SLC16A2: variants seen among roughly 807,000 people sequenced by gnomAD.
SLC16A2 encodes the protein monocarboxylate transporter 8.
In SLC16A2, 3 loss-of-function variants were observed where a neutral mutation model predicts 27.2. The ratio of observed to expected loss-of-function variants is 0.11; its 90% confidence interval spans 0.05 to 0.28. SLC16A2 has a LOEUF of 0.28. Among genes scored for constraint, SLC16A2 ranks in the 10% least tolerant of loss-of-function variants. The pLI, the probability that SLC16A2 is intolerant of heterozygous loss-of-function variation, is 1.00. For missense variants in SLC16A2, 295 were observed against 458.5 expected (o/e 0.64, Z 3.26); for synonymous variants, 202 against 187.8 (o/e 1.08, Z -0.62).
chrX:74,532,487 T>C lies in SLC16A2; in HGVS notation c.*934T>C, dbSNP rs896854889. On this transcript the variant is annotated 3_prime_UTR_variant, in exon 6 of 6. Transcript: ENST00000587091. ...GCCCTCCCAGCACCCCATTCTTGTA[T>C]ACACATGGCAAAATGTGAAGAAACT... The C allele has an allele frequency of 8.9e-6, 1 of 112,021 alleles. No individual in the cohort carries two copies. The highest frequency in any genetic ancestry group is 1.9e-5 in the Non-Finnish European group (1 of 53,180). The allele number at this position is 112,021 out of a possible 1,213,427, so 9.2% of individuals were successfully genotyped here. A position where few individuals can be genotyped will look rare whatever the true frequency, so the allele number is the denominator to read the frequency against.
At chrX:74,486,539 C>T (rs1929723980) in intron 1 of SLC16A2, among the ~76,000 whole-genome samples, 1 of 111,812 alleles carries the variant, frequency 8.9e-6, no homozygotes, top group African/African-American at 3.3e-5. Context: ...GAGATACCAT[C>T]TCACACCAGT....
chrX:74,525,964 G>A, intron 4 of SLC16A2, 71 bp downstream of exon 4: 1 of 1,099,761 alleles, frequency 9.1e-7, no homozygotes, highest in Non-Finnish European at 1.3e-6. Flanking sequence ...CACAGCCTTT[G>A]GGATAGAATG....
At chrX:74,436,419 C>G (rs1306379582) in intron 1 of SLC16A2, among the ~76,000 whole-genome samples, 1 of 111,617 alleles carries the variant, frequency 9.0e-6, no homozygotes, top group African/African-American at 3.3e-5. Flanking sequence ...TTTCATGGAG[C>G]CCACTTGAGT....
intron 2 of SLC16A2, among the ~76,000 whole-genome samples, chrX:74,523,894 T>A (rs2147870346): frequency 9.0e-6 from 1 of 111,353 alleles, no homozygotes; most frequent in East Asian, 2.8e-4. Flanking sequence ...CCATGGAAGG[T>A]TTCAATCTTC....
chrX:74,529,741 A>G (rs1174697366), intron 5 of SLC16A2, among the ~76,000 whole-genome samples: 2 of 104,513 alleles, frequency 1.9e-5, no homozygotes, highest in African/African-American at 7.0e-5. Context: ...TGGCTTTCTG[A>G]CAGTTCCACT....
At chrX:74,454,774 T>G (rs1317209673) in intron 1 of SLC16A2, among the ~76,000 whole-genome samples, 2 of 111,606 alleles carry the variant, frequency 1.8e-5, no homozygotes, top group East Asian at 5.6e-4. Context: ...CCTTCACTTA[T>G]GATACCCTCT....
At chrX:74,488,673 T>G (rs918104862) in intron 1 of SLC16A2, among the ~76,000 whole-genome samples, 12 of 111,667 alleles carry the variant, frequency 1.1e-4, no homozygotes, top group African/African-American at 3.6e-4. Context: ...ACAACATGTT[T>G]GGATTTTCTG....
intron 1 of SLC16A2, among the ~76,000 whole-genome samples, chrX:74,516,580 G>A (rs1930320916): frequency 9.0e-6 from 1 of 111,192 alleles, no homozygotes; most frequent in African/African-American, 3.3e-5. Flanking sequence ...TATATATAAT[G>A]TGATTTCTTT....
intron 1 of SLC16A2, among the ~76,000 whole-genome samples, chrX:74,480,895 A>G (rs985132004): frequency 1.8e-5 from 2 of 112,063 alleles, no homozygotes; most frequent in African/African-American, 6.5e-5. Flanking sequence ...TGTTGAAAAA[A>G]TTCCCTTTTA....
intron 1 of SLC16A2, among the ~76,000 whole-genome samples, chrX:74,458,440 C>G (rs1259761079): frequency 9.0e-6 from 1 of 111,502 alleles, no homozygotes; most frequent in Non-Finnish European, 1.9e-5. Flanking sequence ...CCTCCACCTC[C>G]TTGGTTCAAG....
At chrX:74,455,100 T>C (rs750045630) in intron 1 of SLC16A2, among the ~76,000 whole-genome samples, 11 of 112,100 alleles carry the variant, frequency 9.8e-5, no homozygotes, top group Non-Finnish European at 2.1e-4. Context: ...AATTACTTAA[T>C]CTCTGTATGT....
At chrX:74,446,111 T>A in intron 1 of SLC16A2, among the ~76,000 whole-genome samples, 1 of 110,766 alleles carries the variant, frequency 9.0e-6, no homozygotes, top group Non-Finnish European at 1.9e-5. Context: ...TAGTTGCGGG[T>A]GCCAAGATTT....
chrX:74,458,883 G>A (rs191477218), intron 1 of SLC16A2, among the ~76,000 whole-genome samples: 137 of 110,355 alleles, frequency 1.2e-3, no homozygotes, highest in Non-Finnish European at 2.2e-3. Flanking sequence ...ATTTGTGGTC[G>A]TTTGATGCCC....
At chrX:74,525,281 C>T (rs1423658030) in intron 3 of SLC16A2, among the ~76,000 whole-genome samples, 1 of 112,082 alleles carries the variant, frequency 8.9e-6, no homozygotes, top group Non-Finnish European at 1.9e-5. Context: ...AACTCACCAT[C>T]CACCAAACTT....
intron 1 of SLC16A2, among the ~76,000 whole-genome samples, chrX:74,500,377 G>A (rs1239349893): frequency 9.0e-6 from 1 of 111,525 alleles, no homozygotes; most frequent in Non-Finnish European, 1.9e-5. Context: ...GCTTATTGCA[G>A]AGCTATATTC....
chrX:74,474,478 GTT>G (rs140763449), intron 1 of SLC16A2, among the ~76,000 whole-genome samples: 84 of 98,281 alleles, frequency 8.5e-4, no homozygotes, highest in East Asian at 2.2e-3. Context: ...ATTCCTTAGT[GTT>G]TTTTTTTTTT....
chrX:74,455,301 G>A (rs1204448117), intron 1 of SLC16A2, among the ~76,000 whole-genome samples: 1 of 110,799 alleles, frequency 9.0e-6, no homozygotes, highest in Admixed American at 9.6e-5. Context: ...TTAGAGCAGG[G>A]ATTGTCATCC....
chrX:74,427,817 A>ATG (rs1569282300), intron 1 of SLC16A2, among the ~76,000 whole-genome samples: 61 of 106,990 alleles, frequency 5.7e-4, no homozygotes, highest in African/African-American at 1.8e-3. Flanking sequence ...GCGCGCACAC[A>ATG]CACACACACA....
chrX:74,505,332 G>GC (rs1194723208), intron 1 of SLC16A2, among the ~76,000 whole-genome samples: 1 of 111,795 alleles, frequency 8.9e-6, no homozygotes, highest in Non-Finnish European at 1.9e-5. Context: ...TCCTTCCTCT[G>GC]CTGTTTCCTC....
Sources: gnomAD v4.1 joint callset for allele counts (sites outside exome capture counted in the v4.1 genomes callset) on GRCh38, gnomAD v4.1.1 for gene constraint, MANE v1.5 for transcripts, NCBI Gene and HGNC (gene_info 2026-07-23, HGNC 2026-07-21) for gene names.